NLRP7: variants seen among roughly 807,000 people sequenced by gnomAD.
The protein encoded by NLRP7 is NACHT, LRR and PYD domains-containing protein 7.
Under a neutral mutation model 85.5 loss-of-function variants are expected in NLRP7, and 72 were observed. The ratio of observed to expected loss-of-function variants is 0.84; its 90% CI spans 0.70 to 1.02. NLRP7 has a LOEUF of 1.02. NLRP7 is among the 50% of genes least tolerant of loss of function. The probability of loss-of-function intolerance (pLI) is 0.00; values close to 1 mark genes in which losing one functional copy is unlikely to be tolerated. For synonymous variants in NLRP7, 550 were observed against 505.2 expected, an observed-to-expected ratio of 1.09 and a Z score of -1.19; for missense variants, 1,243 against 1,219.5, an observed-to-expected ratio of 1.02 and a Z score of -0.29.
intron 1 of NLRP7, among the ~76,000 whole-genome samples, chr19:54,946,929 T>C (rs1334540598): frequency 1.3e-5 from 2 of 148,692 alleles, no homozygotes; most frequent in Non-Finnish European, 3.0e-5. Flanking sequence ...CATGAACCAC[T>C]GTGCCTGGCC....
chr19:54,946,189 G>A (rs2069465705), intron 1 of NLRP7, among the ~76,000 whole-genome samples: 1 of 151,774 alleles, frequency 6.6e-6, no homozygotes, highest in South Asian at 2.1e-4. Flanking sequence ...TCACAGGCGT[G>A]AGCCACCGCA....
At chr19:54,951,050 T>A (rs563092177), upstream of NLRP7, among the ~76,000 whole-genome samples, 4 of 152,198 alleles carry the variant, frequency 2.6e-5, no homozygotes, top group Non-Finnish European at 5.9e-5. Flanking sequence ...AAAGCACATC[T>A]TGCACAGCCC....
At chr19:54,926,915 TTAAAAAAAA>T (rs756835924) in intron 9 of NLRP7, among the ~76,000 whole-genome samples, 1 of 130,880 alleles carries the variant, frequency 7.6e-6, no homozygotes. Flanking sequence ...GACTCTGTCT[TTAAAAAAAA>T]AAAAAAAAAA....
chr19:54,937,181 G>A (rs987409547), intron 5 of NLRP7, among the ~76,000 whole-genome samples: 2 of 150,302 alleles, frequency 1.3e-5, no homozygotes, highest in African/African-American at 4.9e-5. Context: ...TTGCTGCACT[G>A]CACTCCAGCC....
intron 1 of NLRP7, among the ~76,000 whole-genome samples, chr19:54,962,834 C>T (rs59047920): frequency 0.33 from 47,907 of 144,814 alleles, 9,933 homozygotes; most frequent in African/African-American, 0.62. Context: ...CTCCTGACCT[C>T]GTGATCCGCC....
chr19:54,939,758 G>A (rs2069129814), exon 4 of NLRP7: 1 of 1,613,708 alleles, frequency 6.2e-7, no homozygotes, highest in Non-Finnish European at 8.5e-7. Context: ...GAACAGGGCC[G>A]CGTTGCTCCT....
At chr19:54,929,396 GTTTT>G (rs911864738) in intron 9 of NLRP7, among the ~76,000 whole-genome samples, 25 of 103,940 alleles carry the variant, frequency 2.4e-4, no homozygotes, top group African/African-American at 8.5e-4. Context: ...GTGTTCTAGT[GTTTT>G]TTTTCTTTAC....
chr19:54,942,648 G>A (rs2069285429), intron 1 of NLRP7, among the ~76,000 whole-genome samples: 1 of 151,956 alleles, frequency 6.6e-6, no homozygotes, highest in African/African-American at 2.4e-5. Flanking sequence ...CCTGGGAGGT[G>A]GAGGTTGCAT....
intron 1 of NLRP7, among the ~76,000 whole-genome samples, chr19:54,963,415 C>T (rs539980405): frequency 5.3e-5 from 8 of 151,962 alleles, no homozygotes; most frequent in Admixed American, 2.6e-4. Context: ...AAAGGCTGGG[C>T]GCGGTGGTTC....
At chr19:54,961,055 A>G (rs2070025139) in intron 1 of NLRP7, among the ~76,000 whole-genome samples, 2 of 152,044 alleles carry the variant, frequency 1.3e-5, no homozygotes, top group African/African-American at 4.8e-5. Context: ...ATGGAAATTT[A>G]TAAATGTAAA....
At chr19:54,947,407 C>T (rs1201547433) in intron 1 of NLRP7, 62 bp downstream of exon 1, 2 of 1,199,952 alleles carry the variant, frequency 1.7e-6, no homozygotes, top group African/African-American at 3.1e-5. Flanking sequence ...GGAAACTCAA[C>T]CAATAGCTTC....
At chr19:54,965,759 T>C (rs1487291794) in intron 1 of NLRP7, among the ~76,000 whole-genome samples, 1 of 69,226 alleles carries the variant, frequency 1.4e-5, no homozygotes, top group Admixed American at 1.7e-4. Context: ...TTGAAAAAAA[T>C]ACAAAAATTA....
At chr19:54,929,742 G>A (rs556533815) in intron 9 of NLRP7, among the ~76,000 whole-genome samples, 99 of 152,200 alleles carry the variant, frequency 6.5e-4, no homozygotes, top group African/African-American at 2.1e-3. Flanking sequence ...CTTTAGAAGT[G>A]CCCACCCACA....
intron 1 of NLRP7, among the ~76,000 whole-genome samples, chr19:54,952,950 A>G (rs2069718748): frequency 6.6e-6 from 1 of 152,114 alleles, no homozygotes; most frequent in Admixed American, 6.6e-5. Flanking sequence ...AGCCTGGCCA[A>G]CACGGTGAAA....
chr19:54,963,680 C>T (rs1247020229), intron 1 of NLRP7, among the ~76,000 whole-genome samples: 8 of 151,626 alleles, frequency 5.3e-5, no homozygotes, highest in Non-Finnish European at 1.2e-4. Flanking sequence ...GAAAATTAGC[C>T]GGGTACAGTG....
intron 9 of NLRP7, among the ~76,000 whole-genome samples, chr19:54,924,890 C>A (rs900513219): frequency 6.6e-6 from 1 of 152,126 alleles, no homozygotes; most frequent in Non-Finnish European, 1.5e-5. Flanking sequence ...TGAGCCAATA[C>A]CGCACCACTG....
At chr19:54,959,388 T>C (rs373588353) in intron 1 of NLRP7, among the ~76,000 whole-genome samples, 8 of 150,894 alleles carry the variant, frequency 5.3e-5, no homozygotes, top group Non-Finnish European at 7.4e-5. Flanking sequence ...CCACCCGCCT[T>C]GGCCTCCCAA....
At chr19:54,933,171 A>G (rs1336115875) in intron 8 of NLRP7, among the ~76,000 whole-genome samples, 21 of 151,850 alleles carry the variant, frequency 1.4e-4, no homozygotes, top group Admixed American at 1.4e-3. Context: ...TTTGAGAAGG[A>G]GTCTTGTTCT....
At chr19:54,950,744 G>A (rs551836055), upstream of NLRP7, among the ~76,000 whole-genome samples, 3 of 151,244 alleles carry the variant, frequency 2.0e-5, no homozygotes, top group African/African-American at 4.9e-5. Flanking sequence ...GCCCAGGGAC[G>A]AGCAGGAGAC....
Sources: allele counts gnomAD v4.1 joint callset (sites outside exome capture counted in the v4.1 genomes callset), GRCh38; gene constraint gnomAD v4.1.1; transcripts MANE v1.5; gene names NCBI Gene and HGNC (gene_info 2026-07-23, HGNC 2026-07-21).